Variants in ATP5F1C observed in about 807,000 individuals in gnomAD.
The protein encoded by ATP5F1C is ATP synthase F(1) complex subunit gamma, mitochondrial.
In ATP5F1C, 22 loss-of-function variants were observed where a neutral mutation model predicts 37.4. The observed-to-expected ratio is 0.59, with a 90% confidence interval of 0.42 to 0.84. The LOEUF (loss-of-function observed/expected upper bound fraction) is 0.84, where lower values mean the gene tolerates loss of function less well. ATP5F1C is among the 40% of genes least tolerant of loss of function. The pLI is 0.00. For synonymous variants in ATP5F1C, 121 were observed against 128.0 expected (o/e 0.95, Z 0.37); for missense variants, 286 against 362.4 (o/e 0.79, Z 1.71).
At chr10:7,802,233 A>C in intron 6 of ATP5F1C, 37 bp from the exon 7 acceptor site, 2 of 1,569,496 alleles carry the variant, frequency 1.3e-6, no homozygotes, top group Non-Finnish European at 1.7e-6. Flanking sequence ...TATTCCTTCC[A>C]TATAACTTGA....
chr10:7,796,658 C>T (rs544108720), intron 2 of ATP5F1C: 1 of 155,840 alleles, frequency 6.4e-6, no homozygotes, highest in Non-Finnish European at 1.4e-5. Context: ...CATCTCGGCT[C>T]ACTGCAAGCT....
chr10:7,797,038 A>G lies in ATP5F1C; in HGVS notation c.92-9A>G, dbSNP rs529224983. On this transcript the variant is annotated splice_polypyrimidine_tract_variant and intron_variant, in intron 2 of 9. Coordinates refer to ENST00000356708, the MANE Select transcript of ATP5F1C (RefSeq NM_001001973.3). ...TCCTTTGTCTTAACACAGTACTTCT[A>G]TTTTTCAGTCACCAGGAGACTAAAG... 29 of 1,613,160 alleles carry G rather than the reference A, an allele frequency of 1.8e-5. 1 individual carries two copies. The highest frequency in any genetic ancestry group is 2.2e-5 in the East Asian group (1 of 44,874).
At chr10:7,802,100 A>G in intron 6 of ATP5F1C, 170 bp from the exon 7 acceptor site, 6 of 651,252 alleles carry the variant, frequency 9.2e-6, no homozygotes, top group East Asian at 3.0e-5. Context: ...AAAATATGCT[A>G]TCATCTGTAG....
rs35871024 is a variant in ATP5F1C, at chr10:7,798,196, A to ATGTG, written c.224-782_224-779dup. On this transcript the variant is annotated intron_variant, in intron 3 of 9. Transcript: ENST00000356708. ...ACTGACAGCTGTCCTTTGTTTTTTT[A>ATGTG]TGTGTGTGTGTGTGTTTTGTTGTTG... 3.5e-3 allele frequency among the ~76,000 whole-genome samples: 528 copies of ATGTG among 150,888 alleles called. 1 individual carries two copies. Among genetic ancestry groups the ATGTG allele is most frequent in the Admixed American group, 6.8e-3 (103 of 15,158 alleles).
chr10:7,791,037 C>A lies in ATP5F1C; in HGVS notation c.56+2774C>A, dbSNP rs897327100. On this transcript the variant is annotated intron_variant, in intron 1 of 9. Coordinates refer to ENST00000356708, the MANE Select transcript of ATP5F1C (RefSeq NM_001001973.3). ...TGCAGTCGGGCTAGGCGCAGTGGCTCACGTCTGTAATCCCAGCATTTTGAG... is the reference window on the plus strand; with the variant it reads ...TGCAGTCGGGCTAGGCGCAGTGGCTAACGTCTGTAATCCCAGCATTTTGAG... Among the ~76,000 whole-genome samples, 27 of 152,246 alleles carry A rather than the reference C, an allele frequency of 1.8e-4. 1 individual carries two copies. The highest frequency in any genetic ancestry group is 1.3e-3 in the Admixed American group (20 of 15,296).
At position 7,802,839 on chromosome 10, in the gene ATP5F1C, C is replaced by G. The variant is rs772849110; in HGVS notation, c.875C>G (p.Ser292Cys). Residue 292 changes from serine (S) to cysteine (C), a missense_variant, in exon 8 of 10, where the codon TCT becomes TGT. Ser to Cys is a moderately radical substitution (Grantham distance 112). Transcript: ENST00000356708. ...ACAAAAGAGTTGATTGAAATTATCT[C>G]TGGTGCTGCAGCTCTGTGAGTAATT... ...VITKELIEII[S>C]GAAALD is the part of the protein sequence containing the mutation. 16 of 1,613,798 alleles carry G rather than the reference C, an allele frequency of 9.9e-6. No individual in the cohort carries two copies. Among genetic ancestry groups the G allele is most frequent in the Admixed American group, 1.7e-5 (1 of 59,970 alleles).
At chr10:7,789,507 C>G (rs1341076216) in intron 1 of ATP5F1C, among the ~76,000 whole-genome samples, 1 of 151,934 alleles carries the variant, frequency 6.6e-6, no homozygotes, top group Non-Finnish European at 1.5e-5. Flanking sequence ...TAGTTGAATT[C>G]TCAGTTGTAT....
intron 1 of ATP5F1C, among the ~76,000 whole-genome samples, chr10:7,793,340 C>T (rs1836191003): frequency 6.6e-6 from 1 of 152,216 alleles, no homozygotes; most frequent in Non-Finnish European, 1.5e-5. Context: ...CTCGGAACTC[C>T]TGACCTCGTG....
intron 3 of ATP5F1C, 122 bp downstream of exon 3, chr10:7,797,300 T>C: frequency 7.9e-7 from 1 of 1,266,582 alleles, no homozygotes; most frequent in Non-Finnish European, 1.1e-6. Flanking sequence ...CATGTACTTA[T>C]TTTTCATCTA....
intron 8 of ATP5F1C, among the ~76,000 whole-genome samples, chr10:7,803,350 C>A (rs1836408267): frequency 6.6e-6 from 1 of 152,134 alleles, no homozygotes; most frequent in Non-Finnish European, 1.5e-5. Context: ...ACTCTCACCT[C>A]CCCCAGGATA....
At chr10:7,804,944 G>C (rs571306345) in intron 8 of ATP5F1C, among the ~76,000 whole-genome samples, 2 of 152,234 alleles carry the variant, frequency 1.3e-5, no homozygotes, top group Non-Finnish European at 2.9e-5. Flanking sequence ...ATGCCAGAGA[G>C]ACACAACTAG....
Position 7,803,237 on chromosome 10 carries a change from A to ATTTTTTAATCATTATG in ATP5F1C, c.890+404_890+419dup, listed in dbSNP as rs146819044. ...CATTGCATGTTGGGAAGGTCCAGGA[A>ATTTTTTAATCATTATG]TTTTTTAATCATTATGTTTTTTAAT... is the stretch of plus-strand genomic sequence containing the variant. On this transcript the variant is annotated intron_variant, in intron 8 of 9. Coordinates refer to ENST00000356708, the MANE Select transcript of ATP5F1C (RefSeq NM_001001973.3). Among the ~76,000 whole-genome samples the ATTTTTTAATCATTATG allele has an allele frequency of 5.1e-3, 770 of 151,912 alleles. 14 individuals are homozygous for ATTTTTTAATCATTATG. The highest frequency in any genetic ancestry group is 0.018 in the African/African-American group (746 of 41,384).
chr10:7,799,117 G>A lies in ATP5F1C; in HGVS notation c.351G>A (p.Glu117=), dbSNP rs1053888963. The A allele has an allele frequency of 1.9e-6, 3 of 1,613,848 alleles. No homozygotes were observed. Among genetic ancestry groups the A allele is most frequent in the Non-Finnish European group, 2.5e-6 (3 of 1,179,962 alleles). The part of the protein sequence containing the change: ...HSSIAKQMKS[E]VATLTAAGKE... The stretch of plus-strand genomic sequence containing the variant: ...CCATTGCTAAACAGATGAAAAGCGA[G>A]GTTGCTACACTAACAGCAGCTGGGA... The change falls in exon 4 of 10, where the codon GAG becomes GAA. Residue 117 remains glutamate (E), a synonymous_variant. Coordinates refer to ENST00000356708, the MANE Select transcript of ATP5F1C (RefSeq NM_001001973.3).
rs188359084 is a variant in ATP5F1C at position 7,798,866 on chromosome 10, C to T, written c.224-124C>T. 5.0e-4 allele frequency: 443 copies of T among 883,128 alleles called. 2 individuals carry two copies. The African/African-American group carries it at 6.7e-3, about 13-fold the overall frequency. 54.7% of individuals were successfully genotyped at this position (883,128 alleles called of 1,614,324 possible). On this transcript the variant is annotated intron_variant, in intron 3 of 9. Coordinates refer to ENST00000356708, the MANE Select transcript of ATP5F1C (RefSeq NM_001001973.3). Reference sequence around the variant, plus strand: ...GCTGTCCTAAGAACACCTGCTTACACTAGGCAGTTGCCAGCTAAATTTAAA... The same window carrying T: ...GCTGTCCTAAGAACACCTGCTTACATTAGGCAGTTGCCAGCTAAATTTAAA...
intron 1 of ATP5F1C, among the ~76,000 whole-genome samples, chr10:7,790,186 T>C (rs1249972999): frequency 6.6e-6 from 1 of 152,264 alleles, no homozygotes; most frequent in Non-Finnish European, 1.5e-5. Context: ...AAGACCTTTG[T>C]CTTAACGAAC....
chr10:7,799,563 T>C, intron 4 of ATP5F1C: 1 of 603,318 alleles, frequency 1.7e-6, no homozygotes, highest in Non-Finnish European at 2.9e-6. Context: ...GAAAAGAATA[T>C]AAAACAGACC....
In ATP5F1C at chr10:7,807,489, C is replaced by T. The variant is rs182687000; in HGVS notation, c.*31-170C>T. Among the ~76,000 whole-genome samples the T allele has an allele frequency of 3.5e-4, 54 of 152,270 alleles. 1 individual carries two copies. The highest frequency in any genetic ancestry group is 1.2e-3 in the African/African-American group (50 of 41,542). On this transcript the variant is annotated intron_variant, in intron 9 of 9. Transcript: ENST00000356708. ...GAAAATAGTTTTGACCTCATGAACC[C>T]CATGAAAGGTTCCCCAGACCAAAAT...
rs371389588 is a variant in ATP5F1C at position 7,800,107 on chromosome 10, A to G, written c.637+16A>G. On this transcript the variant is annotated intron_variant, in intron 6 of 9. Coordinates refer to ENST00000356708, the MANE Select transcript of ATP5F1C (RefSeq NM_001001973.3). ...GCAAGTGCTGGTAAGTAGTTTTTCT[A>G]TGATACATATTTTTTGGCATATAGA... 15 of 1,610,954 alleles carry G rather than the reference A, an allele frequency of 9.3e-6. No homozygotes were observed. Among genetic ancestry groups the G allele is most frequent in the Middle Eastern group, 1.7e-4 (1 of 5,824 alleles).
intron 4 of ATP5F1C, chr10:7,799,557 A>C: frequency 1.7e-6 from 1 of 593,660 alleles, no homozygotes; most frequent in Non-Finnish European, 2.9e-6. Context: ...AAAGGGGAAA[A>C]GAATATAAAA....
Sources: allele counts gnomAD v4.1 joint callset (sites outside exome capture counted in the v4.1 genomes callset), GRCh38; gene constraint gnomAD v4.1.1; transcripts MANE v1.5; gene names NCBI Gene and HGNC (gene_info 2026-07-23, HGNC 2026-07-21).